Variants in KIF5B observed in about 807,000 individuals in gnomAD.
KIF5B encodes the protein kinesin-1 heavy chain.
In KIF5B, 49 loss-of-function variants were observed where a neutral mutation model predicts 132.8. The observed-to-expected ratio is 0.37, with a 90% CI of 0.29 to 0.47. KIF5B has a LOEUF of 0.47. Ranked by LOEUF, KIF5B falls within the 20% of genes least tolerant of loss-of-function variation. The pLI, the probability that KIF5B is intolerant of heterozygous loss-of-function variation, is 1.00. For missense variants in KIF5B, 780 were observed against 1,144.0 expected (o/e 0.68, Z 4.59); for synonymous variants, 355 against 369.4 (o/e 0.96, Z 0.45).
At chr10:32,044,916 G>C (rs1841589774) in intron 2 of KIF5B, among the ~76,000 whole-genome samples, 1 of 152,152 alleles carries the variant, frequency 6.6e-6, no homozygotes, top group South Asian at 2.1e-4. Flanking sequence ...CTATTATCCT[G>C]AACGCAGTTC....
In KIF5B at chr10:32,017,900, A is replaced by C. The variant is rs367646014; in HGVS notation, c.2544+152T>G. ...TGTTAAAAATATTAACTCCTCTAAA[A>C]GTTACTTATGGTTTCTTTATATAAT... On this transcript the variant is annotated intron_variant, in intron 23 of 25. Transcript: ENST00000302418. 2.8e-3 allele frequency: 1,296 copies of C among 465,140 alleles called. 7 individuals are homozygous for C. Among genetic ancestry groups the C allele is most frequent in the Middle Eastern group, 0.014 (26 of 1,922 alleles). The allele number at this position is 465,140 out of a possible 1,614,324, so 28.8% of individuals were successfully genotyped here. A position where few individuals can be genotyped will look rare whatever the true frequency, so the allele number is the denominator to read the frequency against.
rs1266367277 is a variant in KIF5B, at chr10:32,017,367, TAC to T, written c.2545-10_2545-9del. On this transcript the variant is annotated splice_polypyrimidine_tract_variant and intron_variant, in intron 23 of 25. Coordinates refer to ENST00000302418, the MANE Select transcript of KIF5B (RefSeq NM_004521.3). ...TGCATTATCACGTACCAACTAAACG[TAC>T]ACAAAGAAAACAAGGATTCCAGATT... The T allele has an allele frequency of 1.4e-5, 23 of 1,606,128 alleles. No individual in the cohort carries two copies. The highest frequency in any genetic ancestry group is 8.0e-5 in the African/African-American group (6 of 74,688).
intron 9 of KIF5B, 100 bp downstream of exon 9, chr10:32,035,790 T>TTCTCTCTC: frequency 8.0e-7 from 1 of 1,254,330 alleles, no homozygotes; most frequent in Non-Finnish European, 1.1e-6. Context: ...CAATCTCTCT[T>TTCTCTCTC]TCTCTCTCTC....
At chr10:32,046,866 T>C (rs928137927) in intron 2 of KIF5B, among the ~76,000 whole-genome samples, 1 of 152,154 alleles carries the variant, frequency 6.6e-6, no homozygotes, top group African/African-American at 2.4e-5. Flanking sequence ...GTTCTGTAAG[T>C]TGAAAATACC....
chr10:32,015,348 G>C (rs1219908565), intron 25 of KIF5B, among the ~76,000 whole-genome samples, 161 bp downstream of exon 25: 1 of 152,154 alleles, frequency 6.6e-6, no homozygotes, highest in African/African-American at 2.4e-5. Flanking sequence ...TGAATATATA[G>C]TATGATCTAA....
intron 20 of KIF5B, among the ~76,000 whole-genome samples, chr10:32,019,612 C>T (rs1489778362): frequency 6.6e-6 from 1 of 152,104 alleles, no homozygotes; most frequent in African/African-American, 2.4e-5. Context: ...AAAGAAACAG[C>T]AAGCAGATTA....
At chr10:32,048,880 A>G (rs1308545357) in intron 1 of KIF5B, among the ~76,000 whole-genome samples, 1 of 152,032 alleles carries the variant, frequency 6.6e-6, no homozygotes, top group African/African-American at 2.4e-5. Flanking sequence ...CTATTTATTT[A>G]TTTTTGAGAC....
intron 14 of KIF5B, among the ~76,000 whole-genome samples, chr10:32,029,812 C>A (rs1446854300): frequency 6.6e-6 from 1 of 152,178 alleles, no homozygotes; most frequent in African/African-American, 2.4e-5. Context: ...TCCTGTTATT[C>A]TTTCATACAA....
chr10:32,045,040 T>A (rs1489637696), intron 2 of KIF5B, among the ~76,000 whole-genome samples: 1 of 152,134 alleles, frequency 6.6e-6, no homozygotes, highest in African/African-American at 2.4e-5. Context: ...AGAACAAAAG[T>A]AATAGATGCA....
chr10:32,056,139 G>C lies in KIF5B; in HGVS notation c.-166C>G. On this transcript the variant is annotated 5_prime_UTR_variant, in exon 1 of 26. Transcript: ENST00000302418. Reference sequence around the variant, plus strand: ...GGAGGCGGCCGGGGAGCCGGGACTTGAAGAGCCGGCGCCGGCAGCCGTTAA... The same window carrying C: ...GGAGGCGGCCGGGGAGCCGGGACTTCAAGAGCCGGCGCCGGCAGCCGTTAA... 2 of 729,418 alleles carry C rather than the reference G, an allele frequency of 2.7e-6. No individual in the cohort carries two copies. The highest frequency in any genetic ancestry group is 4.3e-6 in the Non-Finnish European group (2 of 465,218). 45.2% of individuals were successfully genotyped at this position (729,418 alleles called of 1,614,324 possible). A position where few individuals can be genotyped will look rare whatever the true frequency, so the allele number is the denominator to read the frequency against.
intron 10 of KIF5B, among the ~76,000 whole-genome samples, chr10:32,035,305 A>C (rs1841449167): frequency 6.6e-6 from 1 of 152,196 alleles, no homozygotes; most frequent in South Asian, 2.1e-4. Context: ...TTGTCACACA[A>C]ATTTGACTAA....
Position 32,030,532 on chromosome 10 carries a change from AT to A in KIF5B, c.1581+540del, listed in dbSNP as rs1395771867. ...CTTTGTCTCAAAAAAAAAAAAAAAA[AT>A]CTCCATCTATTGGGAACCACTACAC... On this transcript the variant is annotated intron_variant, in intron 14 of 25. Coordinates refer to ENST00000302418, the MANE Select transcript of KIF5B (RefSeq NM_004521.3). Among the ~76,000 whole-genome samples, 178 of 151,906 alleles carry A rather than the reference AT, an allele frequency of 1.2e-3. 1 individual carries two copies. Among genetic ancestry groups the A allele is most frequent in the African/African-American group, 3.8e-3 (156 of 41,430 alleles).
intron 20 of KIF5B, 65 bp downstream of exon 20, chr10:32,019,793 G>A (rs1235580284): frequency 1.8e-6 from 2 of 1,104,568 alleles, no homozygotes; most frequent in East Asian, 4.8e-5. Context: ...TATATCCAAA[G>A]GTAATGCCTA....
rs1841397173 is a variant in KIF5B, at chr10:32,031,058, A to C, written c.1581+15T>G. The C allele has an allele frequency of 6.3e-7, 1 of 1,580,414 alleles. No homozygotes were observed. The highest frequency in any genetic ancestry group is 1.1e-5 in the South Asian group (1 of 89,752). ...GTACTAAAGCATTAAAAAAGAAAAT[A>C]AAACTATATCCTACCGATTTCTGAT... On this transcript the variant is annotated intron_variant, in intron 14 of 25. Coordinates refer to ENST00000302418, the MANE Select transcript of KIF5B (RefSeq NM_004521.3).
At chr10:32,045,120 AC>A (rs1841592785) in intron 2 of KIF5B, among the ~76,000 whole-genome samples, 1 of 152,206 alleles carries the variant, frequency 6.6e-6, no homozygotes, top group African/African-American at 2.4e-5. Context: ...CACTTAAAAA[AC>A]AATAGATTTT....
At chr10:32,024,146 C>CCCT in intron 15 of KIF5B, among the ~76,000 whole-genome samples, 1 of 69,744 alleles carries the variant, frequency 1.4e-5, no homozygotes, top group Non-Finnish European at 2.5e-5. Flanking sequence ...ATGAAGAACT[C>CCCT]TTTTTTTTTT....
At chr10:32,048,611 T>G in intron 1 of KIF5B, 60 bp from the exon 2 acceptor site, 2 of 1,152,266 alleles carry the variant, frequency 1.7e-6, no homozygotes, top group Non-Finnish European at 2.6e-6. Flanking sequence ...ATTTCTAACC[T>G]TTACAGATGC....
chr10:32,028,658 C>A, intron 14 of KIF5B, 87 bp from the exon 15 acceptor site: 2 of 1,116,516 alleles, frequency 1.8e-6, no homozygotes, highest in Non-Finnish European at 1.3e-6. Flanking sequence ...AGTTTTACAC[C>A]AAGCCCTTAC....
At chr10:32,055,781 T>A in intron 1 of KIF5B, 67 bp downstream of exon 1, 1 of 1,583,982 alleles carries the variant, frequency 6.3e-7, no homozygotes, top group Non-Finnish European at 8.6e-7. Flanking sequence ...CCCTGCCACT[T>A]CCCTAAACTC....
Sources: allele counts gnomAD v4.1 joint callset (sites outside exome capture counted in the v4.1 genomes callset), GRCh38; gene constraint gnomAD v4.1.1; transcripts MANE v1.5; gene names NCBI Gene and HGNC (gene_info 2026-07-23, HGNC 2026-07-21).